C12orf43: variants seen among roughly 807,000 people sequenced by gnomAD.
C12orf43 encodes the protein protein CUSTOS.
C12orf43 carries 15 observed loss-of-function variants against 20.6 expected under a neutral mutation model. The observed-to-expected ratio is 0.73, with a 90% confidence interval of 0.49 to 1.12. The LOEUF (loss-of-function observed/expected upper bound fraction) is 1.12. Ranked by LOEUF, C12orf43 falls within the 50% of genes most tolerant of loss-of-function variation. The pLI, the probability that C12orf43 is intolerant of heterozygous loss-of-function variation, is 0.00. For missense variants in C12orf43, 334 were observed against 344.4 expected, an observed-to-expected ratio of 0.97 and a Z score of 0.24; for synonymous variants, 144 against 130.8, an observed-to-expected ratio of 1.10 and a Z score of -0.69.
At chr12:121,012,391 G>A (rs1052641176) in intron 1 of C12orf43, 4 of 702,348 alleles carry the variant, frequency 5.7e-6, no homozygotes, top group African/African-American at 1.7e-5. Context: ...TTGAGGAGGA[G>A]GAGCTCTGGA....
chr12:121,004,246 C>T lies in C12orf43; in HGVS notation c.696G>A (p.Ser232=), dbSNP rs764083808. The T allele has an allele frequency of 2.7e-5, 44 of 1,614,162 alleles. No individual in the cohort carries two copies. Among genetic ancestry groups the T allele is most frequent in the Middle Eastern group, 1.6e-4 (1 of 6,062 alleles). Residue 232 remains serine (S), a synonymous_variant, in exon 6 of 6, where the codon TCG becomes TCA. Coordinates refer to ENST00000288757, the MANE Select transcript of C12orf43 (RefSeq NM_022895.3). This position sits in a 1 kb window ranked among gnomAD's most constrained non-coding sequence, Gnocchi z 5.6. The stretch of plus-strand genomic sequence containing the variant: ...CCTTTTTCTTCTTTTTGGTCCCAAG[C>T]GACACCTGGTCCCCGTTGAGCTCAC... ...KSGELNGDQV[S]LGTKKKKKAK...
At chr12:121,009,735 G>A (rs1185455985) in intron 3 of C12orf43, among the ~76,000 whole-genome samples, 1 of 152,174 alleles carries the variant, frequency 6.6e-6, no homozygotes, top group African/African-American at 2.4e-5. Context: ...TTGTTTATAA[G>A]CTACCCAGTT....
intron 1 of C12orf43, among the ~76,000 whole-genome samples, chr12:121,014,662 C>A (rs768063514): frequency 7.7e-6 from 1 of 130,044 alleles, no homozygotes; most frequent in African/African-American, 2.8e-5. Flanking sequence ...AAAAAAAAAA[C>A]CCCAAAAAAC....
chr12:121,006,613 G>A (rs751226845), intron 3 of C12orf43: 19 of 530,356 alleles, frequency 3.6e-5, no homozygotes, highest in Non-Finnish European at 5.4e-5. Context: ...CTTTATTCCA[G>A]TAAGTGTTGA....
At position 121,005,697 on chromosome 12, in the gene C12orf43, C is replaced by A. The variant is rs939426908; in HGVS notation, c.362-604G>T. Among the ~76,000 whole-genome samples, 1 of 152,194 alleles carries A rather than the reference C, an allele frequency of 6.6e-6. No individual in the cohort carries two copies. The highest frequency in any genetic ancestry group is 2.4e-5 in the African/African-American group (1 of 41,448). On this transcript the variant is annotated intron_variant, in intron 4 of 5. Coordinates refer to ENST00000288757, the MANE Select transcript of C12orf43 (RefSeq NM_022895.3). This position sits in a 1 kb window ranked among gnomAD's most constrained non-coding sequence, Gnocchi z 5.6. Reference sequence around the variant, plus strand: ...CTGCTCAGGGTGACACAGACGAGGCCGCCTCAGGCAAATGACTTCGTTTCT... The same window carrying A: ...CTGCTCAGGGTGACACAGACGAGGCAGCCTCAGGCAAATGACTTCGTTTCT...
rs2135855607 is a variant in C12orf43 at position 121,001,498 on chromosome 12, G to T, written c.*2655C>A. On this transcript the variant is annotated 3_prime_UTR_variant, in exon 6 of 6. Transcript: ENST00000288757. ...CAGTCTTCTTACTTGGAACTGAAGG[G>T]GGCGGCCTATGACTTGGGCACCCCC... 1 of 466,324 alleles carries T rather than the reference G, an allele frequency of 2.1e-6. No homozygotes were observed. Among genetic ancestry groups the T allele is most frequent in the African/African-American group, 1.9e-5 (1 of 51,618 alleles). The allele number at this position is 466,324 out of a possible 1,614,324, so 28.9% of individuals were successfully genotyped here.
rs766651112 is a variant in C12orf43 at position 121,016,457 on chromosome 12, G to A, written c.18C>T (p.Gly6=). 5 of 1,613,918 alleles carry A rather than the reference G, an allele frequency of 3.1e-6. No homozygotes were observed. The highest frequency in any genetic ancestry group is 1.7e-5 in the Admixed American group (1 of 60,014). ...TACTACTTTCCGAATCGCTCACTGTGCCACTGGGCGCCGCCATCTTGAACC... is the reference window on the plus strand; with the variant it reads ...TACTACTTTCCGAATCGCTCACTGTACCACTGGGCGCCGCCATCTTGAACC... MAAPS[G]TVSDSESSNS... Residue 6 remains glycine (G), a synonymous_variant, in exon 1 of 6, where the codon GGC becomes GGT. Coordinates refer to ENST00000288757, the MANE Select transcript of C12orf43 (RefSeq NM_022895.3).
At chr12:121,014,056 G>T (rs1463018615) in intron 1 of C12orf43, among the ~76,000 whole-genome samples, 1 of 152,170 alleles carries the variant, frequency 6.6e-6, no homozygotes, top group African/African-American at 2.4e-5. Flanking sequence ...GGCTGGGTGT[G>T]GTGGCTCATG....
chr12:121,001,674 A>G lies in C12orf43; in HGVS notation c.*2479T>C. 6.4e-6 allele frequency: 3 copies of G among 466,056 alleles called. No individual in the cohort carries two copies. Among genetic ancestry groups the G allele is most frequent in the South Asian group, 3.7e-5 (2 of 53,664 alleles). The allele number at this position is 466,056 out of a possible 1,614,324, so 28.9% of individuals were successfully genotyped here. A position where few individuals can be genotyped will look rare whatever the true frequency, so the allele number is the denominator to read the frequency against. On this transcript the variant is annotated 3_prime_UTR_variant, in exon 6 of 6. Transcript: ENST00000288757. Reference sequence around the variant, plus strand: ...CTGTCACCAATGTACCCACCGGGCCACTCCTTCCTGCCCCAACTCCTTCCA... The same window carrying G: ...CTGTCACCAATGTACCCACCGGGCCGCTCCTTCCTGCCCCAACTCCTTCCA...
chr12:121,002,503 G>A lies in C12orf43; in HGVS notation c.*1650C>T, dbSNP rs1196170628. On this transcript the variant is annotated 3_prime_UTR_variant, in exon 6 of 6. Transcript: ENST00000288757. Reference sequence around the variant, plus strand: ...ACTTTTAGTAAAGTCAAGGAGAAATGCGGTGGAAACTTCTTGCTTGTCCAC... The same window carrying A: ...ACTTTTAGTAAAGTCAAGGAGAAATACGGTGGAAACTTCTTGCTTGTCCAC... The A allele has an allele frequency of 2.0e-6, 1 of 510,872 alleles. No homozygotes were observed. Among genetic ancestry groups the A allele is most frequent in the Non-Finnish European group, 3.8e-6 (1 of 260,500 alleles). The allele number at this position is 510,872 out of a possible 1,614,324, so 31.6% of individuals were successfully genotyped here. A position where few individuals can be genotyped will look rare whatever the true frequency, so the allele number is the denominator to read the frequency against.
In C12orf43 at chr12:121,005,387, G is replaced by A. The variant is rs1363060680; in HGVS notation, c.362-294C>T. On this transcript the variant is annotated intron_variant, in intron 4 of 5. Transcript: ENST00000288757. The surrounding 1 kb of genome is among the most constrained non-coding windows in gnomAD (Gnocchi z 5.6). ...AGGTGCCAGGTGCTGAAGCTGCCCC[G>A]CCTCTGCCCTCAGGAGCTCCTGGTC... Among the ~76,000 whole-genome samples, 2 of 152,086 alleles carry A rather than the reference G, an allele frequency of 1.3e-5. No individual in the cohort carries two copies. Among genetic ancestry groups the A allele is most frequent in the South Asian group, 2.1e-4 (1 of 4,830 alleles).
Position 121,006,072 on chromosome 12 carries a change from CA to C in C12orf43, c.361+248del, listed in dbSNP as rs1877989753. The stretch of plus-strand genomic sequence containing the variant: ...TCTCTAAAAAACATAAATAATTAGC[CA>C]GGGGTGGTGGTGTGTGTCTGTGGTC... On this transcript the variant is annotated intron_variant, in intron 4 of 5. Coordinates refer to ENST00000288757, the MANE Select transcript of C12orf43 (RefSeq NM_022895.3). 11 of 431,420 alleles carry C rather than the reference CA, an allele frequency of 2.5e-5. No homozygotes were observed. The South Asian group carries it at 3.4e-4, about 13-fold the overall frequency. The allele number at this position is 431,420 out of a possible 1,614,324, so 26.7% of individuals were successfully genotyped here.
intron 1 of C12orf43, among the ~76,000 whole-genome samples, chr12:121,013,083 T>C (rs1469258071): frequency 6.6e-6 from 1 of 152,178 alleles, no homozygotes. Context: ...GCTGTGTTTA[T>C]GTCATCACCC....
At chr12:121,010,753 G>A (rs573439388) in intron 3 of C12orf43, 75 bp downstream of exon 3, 3 of 1,213,926 alleles carry the variant, frequency 2.5e-6, no homozygotes, top group Non-Finnish European at 3.3e-6. Flanking sequence ...TGGACACCGT[G>A]AGCTCCCAGC....
At position 121,001,725 on chromosome 12, in the gene C12orf43, C is replaced by A; in HGVS notation, c.*2428G>T. 1.9e-6 allele frequency: 1 copy of A among 523,458 alleles called. No homozygotes were observed. The highest frequency in any genetic ancestry group is 1.6e-5 in the South Asian group (1 of 63,066). The allele number at this position is 523,458 out of a possible 1,614,324, so 32.4% of individuals were successfully genotyped here. On this transcript the variant is annotated 3_prime_UTR_variant, in exon 6 of 6. Coordinates refer to ENST00000288757, the MANE Select transcript of C12orf43 (RefSeq NM_022895.3). ...GCTAGTGACCCACATGCCATTTGTA[C>A]TGACCCCATCACCTACTCACACAGG...
At chr12:121,010,660 A>C (rs1878380573) in intron 3 of C12orf43, among the ~76,000 whole-genome samples, 168 bp downstream of exon 3, 1 of 152,182 alleles carries the variant, frequency 6.6e-6, no homozygotes, top group Non-Finnish European at 1.5e-5. Context: ...TGGAGGATAA[A>C]GGTAACAACA....
intron 3 of C12orf43, among the ~76,000 whole-genome samples, chr12:121,008,053 C>T (rs534674140): frequency 1.8e-4 from 28 of 151,914 alleles, no homozygotes; most frequent in Non-Finnish European, 2.8e-4. Context: ...ACCCCCACGA[C>T]AAATGCTAGT....
rs919205360 is a variant in C12orf43 at position 121,000,885 on chromosome 12, C to G, written c.*3268G>C. ...GGCCACTCCATGGGCGGCCGTGGAC[C>G]CTGGCTGGGAGGCTCCCTTTGAAGA... On this transcript the variant is annotated 3_prime_UTR_variant, in exon 6 of 6. Transcript: ENST00000288757. 1.3e-6 allele frequency: 1 copy of G among 790,764 alleles called. No homozygotes were observed. Among genetic ancestry groups the G allele is most frequent in the African/African-American group, 1.8e-5 (1 of 56,178 alleles). The allele number at this position is 790,764 out of a possible 1,614,324, so 49.0% of individuals were successfully genotyped here.
In C12orf43 at chr12:121,003,925, G is replaced by A. The variant is rs748523672; in HGVS notation, c.*228C>T. The A allele has an allele frequency of 1.7e-6, 1 of 595,564 alleles. No individual in the cohort carries two copies. The highest frequency in any genetic ancestry group is 3.0e-6 in the Non-Finnish European group (1 of 333,756). The allele number at this position is 595,564 out of a possible 1,614,324, so 36.9% of individuals were successfully genotyped here. A position where few individuals can be genotyped will look rare whatever the true frequency, so the allele number is the denominator to read the frequency against. ...CACAGCGCCCCCGCCAGCCCTCCGT[G>A]GGAGCACAGAGGGGCAGGCCTTGAT... is the stretch of plus-strand genomic sequence containing the variant. On this transcript the variant is annotated 3_prime_UTR_variant, in exon 6 of 6. Coordinates refer to ENST00000288757, the MANE Select transcript of C12orf43 (RefSeq NM_022895.3).
Sources: allele counts gnomAD v4.1 joint callset (sites outside exome capture counted in the v4.1 genomes callset), GRCh38; gene constraint gnomAD v4.1.1; non-coding constraint Gnocchi (gnomAD v3.1); transcripts MANE v1.5; gene names NCBI Gene and HGNC (gene_info 2026-07-23, HGNC 2026-07-21).